SYBU: variants seen among roughly 807,000 people sequenced by gnomAD.
SYBU encodes GOLSYN A protein.
Under a neutral mutation model 35.9 loss-of-function variants are expected in SYBU, and 21 were observed. The observed-to-expected ratio is 0.58, with a 90% CI of 0.41 to 0.84. The LOEUF is 0.84. SYBU is among the 40% of genes least tolerant of loss of function. The pLI is 0.00. For synonymous variants in SYBU, 319 were observed against 324.3 expected (o/e 0.98, Z 0.18); for missense variants, 768 against 848.2 (o/e 0.91, Z 1.17).
intron 3 of SYBU, among the ~76,000 whole-genome samples, chr8:109,610,803 A>T (rs1235988967): frequency 2.0e-5 from 3 of 152,180 alleles, no homozygotes; most frequent in African/African-American, 7.2e-5. Flanking sequence ...CCTCTGCTAA[A>T]GTCCATAGTT....
At chr8:109,672,842 G>T (rs984295491) in intron 1 of SYBU, among the ~76,000 whole-genome samples, 5 of 152,178 alleles carry the variant, frequency 3.3e-5, no homozygotes, top group Non-Finnish European at 5.9e-5. Flanking sequence ...GGAGCTTGGT[G>T]GGGGGAGGGG....
Position 109,574,855 on chromosome 8 carries a change from C to G in SYBU, c.*51G>C, listed in dbSNP as rs878863694. ...GATGATTGACTTCCTGTTTCTCTAC[C>G]TGGCACAACCCACATGGGACACATT... On this transcript the variant is annotated 3_prime_UTR_variant, in exon 7 of 7. Transcript: ENST00000276646. 2.0e-6 allele frequency: 3 copies of G among 1,492,254 alleles called. No individual in the cohort carries two copies. Among genetic ancestry groups the G allele is most frequent in the South Asian group, 3.0e-5 (2 of 67,760 alleles). The allele number at this position is 1,492,254 out of a possible 1,614,324, so 92.4% of individuals were successfully genotyped here. A position where few individuals can be genotyped will look rare whatever the true frequency, so the allele number is the denominator to read the frequency against.
intron 2 of SYBU, among the ~76,000 whole-genome samples, chr8:109,632,806 G>C (rs1813787970): frequency 6.6e-6 from 1 of 152,190 alleles, no homozygotes; most frequent in Non-Finnish European, 1.5e-5. Flanking sequence ...CCTCTGTAGA[G>C]TGACACGCCA....
intron 1 of SYBU, among the ~76,000 whole-genome samples, chr8:109,671,181 A>C (rs1816966268): frequency 6.6e-6 from 1 of 152,194 alleles, no homozygotes; most frequent in Non-Finnish European, 1.5e-5. Flanking sequence ...TGCAAAAAAA[A>C]TATTTATGTC....
intron 1 of SYBU, among the ~76,000 whole-genome samples, chr8:109,655,511 A>C (rs1816318887): frequency 6.6e-6 from 1 of 152,214 alleles, no homozygotes; most frequent in Non-Finnish European, 1.5e-5. Flanking sequence ...TGCCAAAGAA[A>C]ATACATACAT....
At chr8:109,630,166 C>T (rs940280539) in intron 2 of SYBU, among the ~76,000 whole-genome samples, 4 of 150,310 alleles carry the variant, frequency 2.7e-5, no homozygotes, top group African/African-American at 7.4e-5. Context: ...TGGAAACTAT[C>T]GCAAGAACAA....
At chr8:109,598,222 T>C (rs1299467251) in intron 3 of SYBU, among the ~76,000 whole-genome samples, 1 of 152,220 alleles carries the variant, frequency 6.6e-6, no homozygotes, top group Non-Finnish European at 1.5e-5. Context: ...TGACTGTAAT[T>C]TGACATACAG....
At chr8:109,591,672 C>T (rs899551577) in intron 3 of SYBU, among the ~76,000 whole-genome samples, 11 of 150,572 alleles carry the variant, frequency 7.3e-5, no homozygotes, top group Non-Finnish European at 1.5e-4. Flanking sequence ...CCACCACGCC[C>T]GGCTAATTTT....
chr8:109,578,800 C>T (rs1478166748), intron 5 of SYBU, among the ~76,000 whole-genome samples: 2 of 152,216 alleles, frequency 1.3e-5, no homozygotes, highest in Non-Finnish European at 2.9e-5. Context: ...CAGTGTGCCA[C>T]TGCCTAAAGA....
chr8:109,654,911 C>A (rs1361866916), intron 1 of SYBU, among the ~76,000 whole-genome samples: 2 of 152,200 alleles, frequency 1.3e-5, no homozygotes, highest in Non-Finnish European at 2.9e-5. Flanking sequence ...CATTTCTCTA[C>A]CACCTCTTCC....
In SYBU at chr8:109,654,610, G is replaced by C. The variant is rs556538628; in HGVS notation, c.-129+26101C>G. Among the ~76,000 whole-genome samples, 12 of 152,184 alleles carry C rather than the reference G, an allele frequency of 7.9e-5. No individual in the cohort carries two copies. In the East Asian group the frequency reaches 2.3e-3, roughly 29 times the overall value. The stretch of plus-strand genomic sequence containing the variant: ...TTGCTATTTACAGGCAGATCTTATA[G>C]AAATTATATAACTGCTTACCTCTAT... On this transcript the variant is annotated intron_variant, in intron 1 of 5. Coordinates refer to the SYBU transcript ENST00000408889.
At chr8:109,670,128 T>C (rs1816923967) in intron 1 of SYBU, among the ~76,000 whole-genome samples, 1 of 152,098 alleles carries the variant, frequency 6.6e-6, no homozygotes, top group South Asian at 2.1e-4. Context: ...TTTCATGATG[T>C]AGAAATTAGC....
At chr8:109,668,515 T>C (rs1245209913) in intron 1 of SYBU, among the ~76,000 whole-genome samples, 1 of 152,206 alleles carries the variant, frequency 6.6e-6, no homozygotes, top group Non-Finnish European at 1.5e-5. Context: ...CAACACGTAA[T>C]ATGATTCTTC....
At chr8:109,633,099 T>C (rs192670932) in intron 2 of SYBU, among the ~76,000 whole-genome samples, 3 of 152,248 alleles carry the variant, frequency 2.0e-5, no homozygotes, top group African/African-American at 7.2e-5. Flanking sequence ...GTCTGATATA[T>C]GTGTTTGTAT....
intron 1 of SYBU, among the ~76,000 whole-genome samples, chr8:109,656,885 C>T (rs985455373): frequency 3.3e-5 from 5 of 151,916 alleles, no homozygotes; most frequent in African/African-American, 1.2e-4. Flanking sequence ...ATATTAAAAT[C>T]AAATATTATT....
chr8:109,658,356 T>G (rs1000833819), intron 1 of SYBU, among the ~76,000 whole-genome samples: 3 of 152,218 alleles, frequency 2.0e-5, no homozygotes, highest in African/African-American at 4.8e-5. Context: ...ATCTGCTTTC[T>G]TTGGTGTTGT....
rs534986633 is a variant in SYBU, at chr8:109,597,609, G to A, written c.428-11447C>T. Among the ~76,000 whole-genome samples, 4 of 152,074 alleles carry A rather than the reference G, an allele frequency of 2.6e-5. No individual in the cohort carries two copies. The East Asian group carries it at 7.8e-4, about 29-fold the overall frequency. Reference sequence around the variant, plus strand: ...ATGCGCTTATAGTCCCACTACTCAGGTGACTGAGGTGGGAAGATCAATTGA... The same window carrying A: ...ATGCGCTTATAGTCCCACTACTCAGATGACTGAGGTGGGAAGATCAATTGA... On this transcript the variant is annotated intron_variant, in intron 3 of 6. Transcript: ENST00000276646.
intron 3 of SYBU, among the ~76,000 whole-genome samples, chr8:109,589,024 G>A (rs1228330031): frequency 6.6e-6 from 1 of 152,156 alleles, no homozygotes; most frequent in Admixed American, 6.5e-5. Context: ...GCTGGGTGTG[G>A]TGGTGAGCGC....
chr8:109,614,887 C>T (rs2844246), intron 3 of SYBU, among the ~76,000 whole-genome samples: 46,343 of 152,136 alleles, frequency 0.3, 7,940 homozygotes, highest in African/African-American at 0.45. Flanking sequence ...TTTCCAGAAC[C>T]AGTTCCTGCC....
Sources: allele counts gnomAD v4.1 joint callset (sites outside exome capture counted in the v4.1 genomes callset), GRCh38; gene constraint gnomAD v4.1.1; transcripts MANE v1.5; gene names NCBI Gene and HGNC (gene_info 2026-07-23, HGNC 2026-07-21).